The following DRC11 variants were observed in gnomAD, a reference collection of about 807,000 sequenced individuals.
DRC11 encodes IQ and AAA domain-containing protein 1.
chr2:236,499,232 GGC>G, the DRC11 span, among the ~76,000 whole-genome samples: 4 of 152,236 alleles, frequency 2.6e-5, no homozygotes, highest in African/African-American at 9.6e-5. The surrounding 1 kb of genome is among the most constrained non-coding windows in gnomAD (Gnocchi z 4.7). Context: ...ACAAGTGATT[GGC>G]GGCCTAAATG....
chr2:236,410,490 A>T, the DRC11 span, among the ~76,000 whole-genome samples: 1 of 150,972 alleles, frequency 6.6e-6, no homozygotes, highest in East Asian at 1.9e-4. Context: ...TTACAGATTC[A>T]ATGCCATCCC....
chr2:236,309,981 A>T, the DRC11 span, among the ~76,000 whole-genome samples: 1 of 152,208 alleles, frequency 6.6e-6, no homozygotes, highest in Non-Finnish European at 1.5e-5. This position sits in a 1 kb window ranked among gnomAD's most constrained non-coding sequence, Gnocchi z 5.7. Flanking sequence ...CTGGGGTGGC[A>T]AGCTCTCTGG....
the DRC11 span, among the ~76,000 whole-genome samples, chr2:236,414,618 G>C: frequency 7.4e-4 from 112 of 152,238 alleles, 1 homozygote; most frequent in Middle Eastern, 3.4e-3. Flanking sequence ...GAGCCACTGG[G>C]CAGGACTACT....
At chr2:236,483,003 A>G in the DRC11 span, among the ~76,000 whole-genome samples, 1 of 152,208 alleles carries the variant, frequency 6.6e-6, no homozygotes, top group African/African-American at 2.4e-5. The surrounding 1 kb of genome is among the most constrained non-coding windows in gnomAD (Gnocchi z 4.8). Context: ...TTTCATCTTG[A>G]AAATGGAAAC....
chr2:236,357,000 T>TTATTCATATATTATATATC, the DRC11 span, among the ~76,000 whole-genome samples: 5 of 67,864 alleles, frequency 7.4e-5, no homozygotes, highest in Non-Finnish European at 1.8e-4. Flanking sequence ...ATCTATATAT[T>TTATTCATATATTATATATC]TATATATTCA....
At chr2:236,486,528 G>T in the DRC11 span, among the ~76,000 whole-genome samples, 1 of 150,540 alleles carries the variant, frequency 6.6e-6, no homozygotes, top group South Asian at 2.1e-4. This position sits in a 1 kb window ranked among gnomAD's most constrained non-coding sequence, Gnocchi z 5.7. Flanking sequence ...TGTTGTGACC[G>T]CCCATCCTAA....
At chr2:236,432,855 A>G in the DRC11 span, among the ~76,000 whole-genome samples, 2 of 151,956 alleles carry the variant, frequency 1.3e-5, no homozygotes, top group Non-Finnish European at 2.9e-5. Context: ...AGGTTATGAC[A>G]TATTTCTTTC....
chr2:236,392,358 C>T, the DRC11 span: 2 of 1,487,632 alleles, frequency 1.3e-6, no homozygotes, highest in Non-Finnish European at 1.8e-6. The surrounding 1 kb of genome is among the most constrained non-coding windows in gnomAD (Gnocchi z 5.1). Flanking sequence ...TTTCTACACT[C>T]CAGAAGGGTA....
the DRC11 span, chr2:236,409,088 C>T: frequency 2.0e-6 from 1 of 489,306 alleles, no homozygotes; most frequent in Non-Finnish European, 3.7e-6. Context: ...CACGCCATCA[C>T]ATCTTGCTGG....
chr2:236,401,337 TC>T, the DRC11 span, among the ~76,000 whole-genome samples: 1 of 152,174 alleles, frequency 6.6e-6, no homozygotes, highest in Non-Finnish European at 1.5e-5. This position sits in a 1 kb window ranked among gnomAD's most constrained non-coding sequence, Gnocchi z 4.6. Context: ...TGAACAGACC[TC>T]CCGTCCTCCT....
chr2:236,476,992 T>G, the DRC11 span, among the ~76,000 whole-genome samples: 1,465 of 152,304 alleles, frequency 9.6e-3, 32 homozygotes, highest in African/African-American at 0.033. This position sits in a 1 kb window ranked among gnomAD's most constrained non-coding sequence, Gnocchi z 4.7. Flanking sequence ...TTTAAAGCAT[T>G]GTTGAATTTG....
At chr2:236,479,432 C>T in the DRC11 span, among the ~76,000 whole-genome samples, 2 of 151,634 alleles carry the variant, frequency 1.3e-5, no homozygotes, top group Non-Finnish European at 2.9e-5. The surrounding 1 kb of genome is among the most constrained non-coding windows in gnomAD (Gnocchi z 4.1). Flanking sequence ...TATACTCTTC[C>T]TTTGTGTTTA....
At chr2:236,365,074 T>G in the DRC11 span, among the ~76,000 whole-genome samples, 1 of 152,096 alleles carries the variant, frequency 6.6e-6, no homozygotes, top group Non-Finnish European at 1.5e-5. The surrounding 1 kb of genome is among the most constrained non-coding windows in gnomAD (Gnocchi z 7.4). Context: ...TCATTTGCCC[T>G]GCGTTGGACA....
chr2:236,489,492 C>G, the DRC11 span, among the ~76,000 whole-genome samples: 1 of 152,136 alleles, frequency 6.6e-6, no homozygotes, highest in Non-Finnish European at 1.5e-5. Flanking sequence ...CCTGTGTGAA[C>G]TCTGAGCAGG....
the DRC11 span, chr2:236,368,318 C>G: frequency 6.8e-7 from 1 of 1,464,266 alleles, no homozygotes; most frequent in African/African-American, 1.4e-5. Flanking sequence ...AGAAAAGAAA[C>G]AGAGGAACAA....
chr2:236,369,926 T>C, the DRC11 span, among the ~76,000 whole-genome samples: 1 of 152,016 alleles, frequency 6.6e-6, no homozygotes, highest in South Asian at 2.1e-4. The surrounding 1 kb of genome is among the most constrained non-coding windows in gnomAD (Gnocchi z 4.5). Flanking sequence ...GAAACCCAGA[T>C]CAAGAGGGCA....
the DRC11 span, among the ~76,000 whole-genome samples, chr2:236,473,393 G>C: frequency 6.6e-6 from 1 of 152,288 alleles, no homozygotes; most frequent in African/African-American, 2.4e-5. The surrounding 1 kb of genome is among the most constrained non-coding windows in gnomAD (Gnocchi z 4.8). Flanking sequence ...GAAAGAAATT[G>C]AATGTATTGG....
At chr2:236,338,019 G>A in the DRC11 span, among the ~76,000 whole-genome samples, 67 of 152,340 alleles carry the variant, frequency 4.4e-4, 1 homozygote, top group Middle Eastern at 3.4e-3. Flanking sequence ...AGAACAGAAC[G>A]TGACCTAGTG....
At chr2:236,495,749 T>C in the DRC11 span, among the ~76,000 whole-genome samples, 1 of 152,166 alleles carries the variant, frequency 6.6e-6, no homozygotes, top group Admixed American at 6.5e-5. The surrounding 1 kb of genome is among the most constrained non-coding windows in gnomAD (Gnocchi z 5.6). Context: ...CCATGTGGGA[T>C]TCAGTGACAG....
Sources: allele counts gnomAD v4.1 joint callset (sites outside exome capture counted in the v4.1 genomes callset), GRCh38; gene constraint gnomAD v4.1.1; non-coding constraint Gnocchi (gnomAD v3.1); transcripts MANE v1.5; gene names NCBI Gene and HGNC (gene_info 2026-07-23, HGNC 2026-07-21).